The following ST14 variants were observed in gnomAD, a reference collection of about 807,000 sequenced individuals.
ST14 encodes the protein suppressor of tumorigenicity 14 protein.
A neutral mutation model predicts 96.5 loss-of-function variants in ST14; 40 were observed. The ratio of observed to expected loss-of-function variants is 0.41; its 90% CI spans 0.32 to 0.54. The LOEUF is 0.54. Ranked by LOEUF, ST14 falls within the 20% of genes least tolerant of loss-of-function variation. The pLI, the probability that ST14 is intolerant of heterozygous loss-of-function variation, is 0.17. For synonymous variants in ST14, 506 were observed against 492.1 expected (o/e 1.03, Z -0.37); for missense variants, 1,066 against 1,188.9 (o/e 0.90, Z 1.52).
rs1158623707 is a variant in ST14 at position 130,208,474 on chromosome 11, C to T, written c.2059C>T (p.Pro687Ser). Residue 687 changes from proline (P) to serine (S), a missense_variant, in exon 17 of 19, where the codon CCT becomes TCT. Physicochemically the swap from Pro to Ser is moderately conservative, Grantham distance 74. Transcript: ENST00000278742. Reference sequence around the variant, plus strand: ...GCACGACCAGAGCCAGCGCAGCGCCCCTGGGGTGCAGGAGCGCAGGCTCAA... The same window carrying T: ...GCACGACCAGAGCCAGCGCAGCGCCTCTGGGGTGCAGGAGCGCAGGCTCAA... ...GLHDQSQRSA[P>S]GVQERRLKRI... is the part of the protein sequence containing the mutation. The T allele has an allele frequency of 6.2e-7, 1 of 1,614,206 alleles. No individual in the cohort carries two copies. The highest frequency in any genetic ancestry group is 8.5e-7 in the Non-Finnish European group (1 of 1,180,042).
rs1348174817 is a variant in ST14 at position 130,188,217 on chromosome 11, T to C, written c.185T>C (p.Leu62Pro). The change falls in exon 2 of 19, where the codon CTG becomes CCG. Residue 62 changes from leucine (L) to proline (P), a missense_variant. By Grantham distance (98) the Leu-to-Pro change is moderately conservative. Transcript: ENST00000278742. This position sits in a 1 kb window ranked among gnomAD's most constrained non-coding sequence, Gnocchi z 5.4. ...CGCTGGGTGGTGCTGGCAGCCGTGC[T>C]GATCGGCCTCCTCTTGGTCTTGCTG... ...PGRWVVLAAV[L>P]IGLLLVLLGI... The C allele has an allele frequency of 3.1e-6, 5 of 1,614,194 alleles. No homozygotes were observed. The Admixed American group carries it at 8.3e-5, about 27-fold the overall frequency.
chr11:130,177,731 C>T (rs1953154301), intron 1 of ST14, among the ~76,000 whole-genome samples: 3 of 152,212 alleles, frequency 2.0e-5, no homozygotes, highest in African/African-American at 7.2e-5. Flanking sequence ...CTGAGGTTTT[C>T]CTCAGGGAGC....
chr11:130,206,752 G>C (rs1337894793), intron 16 of ST14, among the ~76,000 whole-genome samples: 1 of 151,934 alleles, frequency 6.6e-6, no homozygotes, highest in East Asian at 1.9e-4. Flanking sequence ...GTTTTTGGTA[G>C]AGGCGGGGTT....
chr11:130,177,905 G>C (rs1953156237), intron 1 of ST14, among the ~76,000 whole-genome samples: 1 of 152,198 alleles, frequency 6.6e-6, no homozygotes, highest in Non-Finnish European at 1.5e-5. Flanking sequence ...TCTCATGAGC[G>C]GTGCGAGGTC....
At chr11:130,209,374 G>A in intron 17 of ST14, 68 bp from the exon 18 acceptor site, 2 of 1,545,632 alleles carry the variant, frequency 1.3e-6, no homozygotes, top group South Asian at 2.4e-5. Context: ...ATGACCCGTG[G>A]GGAGCGTCTC....
At chr11:130,186,740 A>G (rs1216241122) in intron 1 of ST14, among the ~76,000 whole-genome samples, 1 of 152,188 alleles carries the variant, frequency 6.6e-6, no homozygotes, top group Admixed American at 6.5e-5. Context: ...GGGGAGAGAA[A>G]GGGTGGAAGG....
chr11:130,174,535 G>A (rs1319880334), intron 1 of ST14, among the ~76,000 whole-genome samples: 1 of 152,022 alleles, frequency 6.6e-6, no homozygotes, highest in Non-Finnish European at 1.5e-5. Flanking sequence ...GGGGGTGGCA[G>A]TTATTACCAA....
In ST14 at chr11:130,160,081, C is replaced by G. The variant is rs2136198720; in HGVS notation, c.81+21C>G. ...ACGAGGTGAGCGCGGGCCGGGGACC[C>G]GGGGCGCTGGGAAGCTCCTGCCCGC... On this transcript the variant is annotated intron_variant, in intron 1 of 18. Coordinates refer to ENST00000278742, the MANE Select transcript of ST14 (RefSeq NM_021978.4). 3 of 1,410,672 alleles carry G rather than the reference C, an allele frequency of 2.1e-6. No individual in the cohort carries two copies. The East Asian group carries it at 9.3e-5, about 44-fold the overall frequency. The allele number at this position is 1,410,672 out of a possible 1,614,324, so 87.4% of individuals were successfully genotyped here.
At chr11:130,199,708 G>C (rs1565627543) in intron 15 of ST14, among the ~76,000 whole-genome samples, 1 of 152,224 alleles carries the variant, frequency 6.6e-6, no homozygotes, top group Admixed American at 6.5e-5. Context: ...GTGAGGGAGG[G>C]GGAGGTGGGA....
intron 16 of ST14, among the ~76,000 whole-genome samples, chr11:130,201,489 G>A (rs745783326): frequency 1.3e-5 from 2 of 152,266 alleles, no homozygotes; most frequent in Non-Finnish European, 2.9e-5. Flanking sequence ...CCCATGCACA[G>A]GGCTTGGGTG....
rs1953387039 is a variant in ST14, at chr11:130,198,045, G to A, written c.1459+100G>A. On this transcript the variant is annotated intron_variant, in intron 12 of 18. Transcript: ENST00000278742. ...GACTGCCGAGGCAGAAAGGCCGGAG[G>A]TGGTGGGAGTTTTTGCTCTCGGCCC... The A allele has an allele frequency of 3.1e-6, 4 of 1,285,766 alleles. No individual in the cohort carries two copies. The African/African-American group carries it at 4.4e-5, about 14-fold the overall frequency. The allele number at this position is 1,285,766 out of a possible 1,614,324, so 79.6% of individuals were successfully genotyped here.
intron 1 of ST14, among the ~76,000 whole-genome samples, chr11:130,168,588 C>T (rs971151645): frequency 6.6e-6 from 1 of 152,152 alleles, no homozygotes; most frequent in African/African-American, 2.4e-5. Context: ...GCTATTTCTT[C>T]CAAAAGGATG....
chr11:130,196,312 C>G (rs1029210669), intron 9 of ST14, 27 bp from the exon 10 acceptor site: 10 of 1,541,226 alleles, frequency 6.5e-6, no homozygotes, highest in Non-Finnish European at 8.8e-6. Context: ...GGGAACTGCA[C>G]ATTCCCAGCA....
chr11:130,201,383 G>C (rs1008283575), intron 16 of ST14, among the ~76,000 whole-genome samples: 1 of 152,260 alleles, frequency 6.6e-6, no homozygotes, highest in Non-Finnish European at 1.5e-5. Context: ...GCAGCTCCAG[G>C]AGCAGGTGAC....
At chr11:130,184,582 G>A (rs1953220917) in intron 1 of ST14, among the ~76,000 whole-genome samples, 2 of 152,156 alleles carry the variant, frequency 1.3e-5, no homozygotes, top group Non-Finnish European at 2.9e-5. Context: ...TTCTCTGCCA[G>A]GCTCAGAAAA....
chr11:130,207,426 C>T (rs375120265), intron 16 of ST14, among the ~76,000 whole-genome samples: 4 of 152,220 alleles, frequency 2.6e-5, no homozygotes, highest in Non-Finnish European at 4.4e-5. Context: ...CTGCACATGC[C>T]TGTAGTCCCA....
In ST14 at chr11:130,187,174, T is replaced by C. The variant is rs1279403003; in HGVS notation, c.82-940T>C. Among the ~76,000 whole-genome samples the C allele has an allele frequency of 2.6e-5, 4 of 152,092 alleles. No individual in the cohort carries two copies. Among genetic ancestry groups the C allele is most frequent in the East Asian group, 1.9e-4 (1 of 5,186 alleles). ...GCTGTTGCTTTTGTTGTGAGCCGTA[T>C]TGAGTGGGCGTGAGGTAGTTAAACT... On this transcript the variant is annotated intron_variant, in intron 1 of 18. Transcript: ENST00000278742. This position sits in a 1 kb window ranked among gnomAD's most constrained non-coding sequence, Gnocchi z 4.5.
chr11:130,192,964 G>T (rs1340627457), intron 7 of ST14, among the ~76,000 whole-genome samples: 1 of 152,176 alleles, frequency 6.6e-6, no homozygotes, highest in Non-Finnish European at 1.5e-5. Flanking sequence ...TTAACCATGA[G>T]ATGTTGGGCA....
chr11:130,167,838 C>T (rs1046219048), intron 1 of ST14, among the ~76,000 whole-genome samples: 13 of 152,134 alleles, frequency 8.5e-5, no homozygotes, highest in African/African-American at 3.1e-4. Context: ...CCTCAGCCTT[C>T]CAAGCAGCTG....
Sources: allele counts gnomAD v4.1 joint callset (sites outside exome capture counted in the v4.1 genomes callset), GRCh38; gene constraint gnomAD v4.1.1; non-coding constraint Gnocchi (gnomAD v3.1); transcripts MANE v1.5; gene names NCBI Gene and HGNC (gene_info 2026-07-23, HGNC 2026-07-21).